AKAIN1: variants seen among roughly 807,000 people sequenced by gnomAD.
AKAIN1 encodes A-kinase anchor inhibitor 1.
A neutral mutation model predicts 3.7 loss-of-function variants in AKAIN1; 3 were observed. The ratio of observed to expected loss-of-function variants is 0.82; its 90% CI spans 0.37 to 2.12. AKAIN1 has a LOEUF of 2.12. AKAIN1 is among the 30% of genes most tolerant of loss of function. The probability of loss-of-function intolerance (pLI) is 0.06; values close to 1 mark genes in which losing one functional copy is unlikely to be tolerated. For synonymous variants in AKAIN1, 31 were observed against 30.8 expected, an observed-to-expected ratio of 1.01 and a Z score of -0.02; for missense variants, 82 against 82.7, an observed-to-expected ratio of 0.99 and a Z score of 0.03.
At position 5,145,667 on chromosome 18, in the gene AKAIN1, C is replaced by A. The variant is rs573697917; in HGVS notation, c.105G>T (p.Gln35His). 6.4e-7 allele frequency: 1 copy of A among 1,551,672 alleles called. No homozygotes were observed. The highest frequency in any genetic ancestry group is 1.4e-5 in the African/African-American group (1 of 73,186). The change falls in exon 2 of 2, where the codon CAG (glutamine) becomes CAT (histidine). Residue 35 changes from glutamine (Q) to histidine (H), a missense_variant. Transcript: ENST00000434239. ...IVQNAILQAV[Q>H]QVSQESQRRE... is the part of the protein sequence containing the mutation. ...TGCGCTGACTCTCCTGGGAGACTTGCTGCACAGCTTGCAGGATTGCATTCT... is the reference window on the plus strand; with the variant it reads ...TGCGCTGACTCTCCTGGGAGACTTGATGCACAGCTTGCAGGATTGCATTCT...
chr18:5,148,256 A>G (rs2071060404), intron 1 of AKAIN1, among the ~76,000 whole-genome samples: 1 of 152,216 alleles, frequency 6.6e-6, no homozygotes, highest in Non-Finnish European at 1.5e-5. Flanking sequence ...TCCAGTGTGT[A>G]AGTAGCTCTG....
rs1049128812 is a variant in AKAIN1 at position 5,143,322 on chromosome 18, G to A, written c.*2240C>T. 5.3e-5 allele frequency among the ~76,000 whole-genome samples: 8 copies of A among 152,196 alleles called. No homozygotes were observed. Among genetic ancestry groups the A allele is most frequent in the African/African-American group, 1.9e-4 (8 of 41,434 alleles). Reference sequence around the variant, plus strand: ...ATATGGCACCTACCTATTGAGGACAGGCATTGCTGAACCTCCTTTTGTCCT... The same window carrying A: ...ATATGGCACCTACCTATTGAGGACAAGCATTGCTGAACCTCCTTTTGTCCT... On this transcript the variant is annotated 3_prime_UTR_variant, in exon 2 of 2. Transcript: ENST00000434239.
intron 1 of AKAIN1, among the ~76,000 whole-genome samples, chr18:5,148,251 T>G (rs1407312839): frequency 6.6e-6 from 1 of 152,176 alleles, no homozygotes; most frequent in Non-Finnish European, 1.5e-5. Flanking sequence ...GGTACTCCAG[T>G]GTGTAAGTAG....
intron 1 of AKAIN1, among the ~76,000 whole-genome samples, chr18:5,169,375 T>C (rs2082903571): frequency 6.6e-6 from 1 of 152,032 alleles, no homozygotes; most frequent in South Asian, 2.1e-4. Flanking sequence ...TGACACAAAA[T>C]TCACAATCAC....
chr18:5,146,501 T>C (rs1427652075), intron 1 of AKAIN1, among the ~76,000 whole-genome samples: 1 of 152,198 alleles, frequency 6.6e-6, no homozygotes, highest in East Asian at 1.9e-4. Flanking sequence ...GCCTAGTGTA[T>C]ATAACCTCGC....
intron 1 of AKAIN1, among the ~76,000 whole-genome samples, chr18:5,183,511 A>G (rs2071270569): frequency 6.6e-6 from 1 of 152,098 alleles, no homozygotes; most frequent in Non-Finnish European, 1.5e-5. Flanking sequence ...GAGAAGAAAG[A>G]CATGTAGGCA....
intron 1 of AKAIN1, among the ~76,000 whole-genome samples, chr18:5,155,564 T>C (rs73388605): frequency 0.012 from 1,796 of 152,226 alleles, 23 homozygotes; most frequent in African/African-American, 0.037. Flanking sequence ...GCTGTAGCCC[T>C]CTATGAGAAA....
intron 1 of AKAIN1, among the ~76,000 whole-genome samples, chr18:5,192,766 T>C (rs1056865613): frequency 3.3e-5 from 5 of 151,732 alleles, no homozygotes; most frequent in African/African-American, 1.2e-4. Flanking sequence ...AGGAAAGAGA[T>C]CAGTGGTCAC....
intron 1 of AKAIN1, among the ~76,000 whole-genome samples, chr18:5,160,935 T>G (rs1209569648): frequency 6.6e-6 from 1 of 152,116 alleles, no homozygotes; most frequent in Non-Finnish European, 1.5e-5. Flanking sequence ...CATTTCTCTG[T>G]CTTAAATACT....
intron 1 of AKAIN1, among the ~76,000 whole-genome samples, chr18:5,156,291 C>T (rs549978554): frequency 6.6e-6 from 1 of 152,250 alleles, no homozygotes; most frequent in African/African-American, 2.4e-5. Context: ...ACTGTTCTCC[C>T]TGAAATAAAC....
At chr18:5,152,351 G>A (rs1376552971) in intron 1 of AKAIN1, among the ~76,000 whole-genome samples, 5 of 152,086 alleles carry the variant, frequency 3.3e-5, no homozygotes, top group Non-Finnish European at 5.9e-5. Context: ...GAACAGGATC[G>A]GTATGAGAAT....
At chr18:5,157,067 T>G (rs959009386) in intron 1 of AKAIN1, among the ~76,000 whole-genome samples, 1 of 152,212 alleles carries the variant, frequency 6.6e-6, no homozygotes, top group African/African-American at 2.4e-5. Flanking sequence ...TTTACAATTT[T>G]TAAGTATCAT....
chr18:5,195,074 AT>A lies in AKAIN1; in HGVS notation c.16+1963del, dbSNP rs1169828427. On this transcript the variant is annotated intron_variant, in intron 1 of 1. Coordinates refer to ENST00000434239, the MANE Select transcript of AKAIN1 (RefSeq NM_001145194.2). Reference sequence around the variant, plus strand: ...AGATGAGAAGGTAAGTTGACACAGTATTTTTAGCATCCTGTTCTTATTGTCC... The same window carrying A: ...AGATGAGAAGGTAAGTTGACACAGTATTTTAGCATCCTGTTCTTATTGTCC... Among the ~76,000 whole-genome samples the A allele has an allele frequency of 5.9e-5, 9 of 152,222 alleles. No homozygotes were observed. The East Asian group carries it at 1.7e-3, about 29-fold the overall frequency.
chr18:5,152,625 G>A (rs1297970610), intron 1 of AKAIN1, among the ~76,000 whole-genome samples: 1 of 152,122 alleles, frequency 6.6e-6, no homozygotes, highest in Non-Finnish European at 1.5e-5. Context: ...ACCACAAAGG[G>A]AACTCATCTA....
At chr18:5,191,218 C>A (rs1296454822) in intron 1 of AKAIN1, among the ~76,000 whole-genome samples, 1 of 152,028 alleles carries the variant, frequency 6.6e-6, no homozygotes, top group Non-Finnish European at 1.5e-5. Flanking sequence ...AGAAATAAAA[C>A]TTTTTTCAAA....
intron 1 of AKAIN1, among the ~76,000 whole-genome samples, chr18:5,154,516 G>A (rs2071096096): frequency 6.6e-6 from 1 of 151,950 alleles, no homozygotes; most frequent in African/African-American, 2.4e-5. Flanking sequence ...GCAGTCAGTA[G>A]GAACTCTAGA....
At chr18:5,175,028 G>A (rs879370014) in intron 1 of AKAIN1, among the ~76,000 whole-genome samples, 4 of 152,132 alleles carry the variant, frequency 2.6e-5, no homozygotes, top group Non-Finnish European at 5.9e-5. Flanking sequence ...GCCGCACAGG[G>A]TCTCACACTC....
chr18:5,151,712 A>T (rs1423258601), intron 1 of AKAIN1, among the ~76,000 whole-genome samples: 2 of 152,246 alleles, frequency 1.3e-5, no homozygotes, highest in African/African-American at 4.8e-5. Flanking sequence ...ATTATGTCAT[A>T]ATGTAGCCAG....
At chr18:5,188,802 A>AC (rs1168885596) in intron 1 of AKAIN1, among the ~76,000 whole-genome samples, 1 of 151,674 alleles carries the variant, frequency 6.6e-6, no homozygotes, top group Non-Finnish European at 1.5e-5. Context: ...CCCAATATAA[A>AC]CCCCTCATTT....
Sources: allele counts gnomAD v4.1 joint callset (sites outside exome capture counted in the v4.1 genomes callset), GRCh38; gene constraint gnomAD v4.1.1; transcripts MANE v1.5; gene names NCBI Gene and HGNC (gene_info 2026-07-23, HGNC 2026-07-21).